Variants in CD163L1 observed in about 807,000 individuals in gnomAD.
CD163L1 encodes scavenger receptor cysteine-rich type 1 protein M160.
Under a neutral mutation model 165.4 loss-of-function variants are expected in CD163L1, and 124 were observed. The ratio of observed to expected loss-of-function variants is 0.75; its 90% confidence interval spans 0.65 to 0.87. The LOEUF (loss-of-function observed/expected upper bound fraction) is 0.87. Among genes scored for constraint, CD163L1 ranks in the 40% least tolerant of loss-of-function variants. The probability of loss-of-function intolerance (pLI) is 0.00; values close to 1 mark genes in which losing one functional copy is unlikely to be tolerated. For missense variants in CD163L1, 1,525 were observed against 1,799.9 expected, an observed-to-expected ratio of 0.85 and a Z score of 2.76; for synonymous variants, 585 against 662.2, an observed-to-expected ratio of 0.88 and a Z score of 1.79.
At chr12:7,359,372 GA>G (rs1555193285) in intron 18 of CD163L1, among the ~76,000 whole-genome samples, 1 of 151,812 alleles carries the variant, frequency 6.6e-6, no homozygotes, top group Non-Finnish European at 1.5e-5. Context: ...GAAGCCAGAG[GA>G]AAAAAATTGT....
rs1396972808 is a variant in CD163L1, at chr12:7,403,784, G to T, written c.1159C>A (p.His387Asn). Residue 387 changes from histidine to asparagine, a missense_variant, in exon 6 of 20, where the codon CAT becomes AAT. Coordinates refer to ENST00000313599, the MANE Select transcript of CD163L1 (RefSeq NM_174941.6). Reference protein sequence around the residue: ...NCSGRVEVRIHEQWWTICDQN... With the variant: ...NCSGRVEVRINEQWWTICDQN... ...TCACATATTGTCCACCACTGTTCAT[G>T]AATTCTCACCTCTACTCTCCCTGAA... is the stretch of plus-strand genomic sequence containing the variant. 5.0e-6 allele frequency: 8 copies of T among 1,613,592 alleles called. No individual in the cohort carries two copies. Among genetic ancestry groups the T allele is most frequent in the African/African-American group, 1.3e-5 (1 of 74,814 alleles).
downstream of CD163L1, among the ~76,000 whole-genome samples, chr12:7,350,635 G>A (rs1390457319): frequency 1.3e-5 from 2 of 152,074 alleles, no homozygotes; most frequent in Admixed American, 6.6e-5. Context: ...TACTTCCTGG[G>A]AGATAACAAT....
At chr12:7,326,892 A>T in the CD163L1 span, 35 of 1,396,856 alleles carry the variant, frequency 2.5e-5, no homozygotes, top group East Asian at 1.8e-4. Context: ...AATAAATAGT[A>T]AGCACCTGTG....
chr12:7,336,815 A>G, the CD163L1 span, among the ~76,000 whole-genome samples: 1 of 152,130 alleles, frequency 6.6e-6, no homozygotes, highest in Non-Finnish European at 1.5e-5. Flanking sequence ...ATTAGAAAAA[A>G]ACTACTTTAA....
the CD163L1 span, among the ~76,000 whole-genome samples, chr12:7,332,731 G>C: frequency 6.6e-6 from 1 of 152,192 alleles, no homozygotes; most frequent in Non-Finnish European, 1.5e-5. Context: ...ACAAGCAAGT[G>C]CTGAGAGATT....
chr12:7,383,884 T>C (rs187230823), intron 8 of CD163L1, among the ~76,000 whole-genome samples: 196 of 152,226 alleles, frequency 1.3e-3, no homozygotes, highest in African/African-American at 4.2e-3. Flanking sequence ...CAGATATCAA[T>C]GTAAGGACAC....
At chr12:7,323,931 C>G in the CD163L1 span, among the ~76,000 whole-genome samples, 2 of 152,062 alleles carry the variant, frequency 1.3e-5, no homozygotes, top group Non-Finnish European at 2.9e-5. Context: ...AATTTCAGCA[C>G]TTTAGGAGGC....
intron 14 of CD163L1, among the ~76,000 whole-genome samples, chr12:7,370,262 G>T (rs1048867089): frequency 6.6e-6 from 1 of 152,102 alleles, no homozygotes; most frequent in African/African-American, 2.4e-5. Context: ...CCTTTAAGCC[G>T]GTTCCTGAAA....
chr12:7,374,346 G>A lies in CD163L1; in HGVS notation c.3409+96C>T. 7.7e-7 allele frequency: 1 copy of A among 1,299,278 alleles called. No homozygotes were observed. The highest frequency in any genetic ancestry group is 1.1e-6 in the Non-Finnish European group (1 of 945,566). 80.5% of individuals were successfully genotyped at this position (1,299,278 alleles called of 1,614,324 possible). On this transcript the variant is annotated intron_variant, in intron 13 of 19. Transcript: ENST00000313599. This position sits in a 1 kb window ranked among gnomAD's most constrained non-coding sequence, Gnocchi z 5.4. Reference sequence around the variant, plus strand: ...AGTGGATTTTTTGTTTGTATTCCTAGGCCATACACTTTTCACTACACTTTA... The same window carrying A: ...AGTGGATTTTTTGTTTGTATTCCTAAGCCATACACTTTTCACTACACTTTA...
intron 5 of CD163L1, among the ~76,000 whole-genome samples, chr12:7,404,056 A>G (rs1238411785): frequency 6.6e-6 from 1 of 152,110 alleles, no homozygotes; most frequent in Non-Finnish European, 1.5e-5. Context: ...AATTTTAAAG[A>G]TTGTTTCATA....
rs1320640975 is a variant in CD163L1 at position 7,369,170 on chromosome 12, G to C, written c.4039+187C>G. Among the ~76,000 whole-genome samples, 5 of 152,068 alleles carry C rather than the reference G, an allele frequency of 3.3e-5. No homozygotes were observed. Among genetic ancestry groups the C allele is most frequent in the African/African-American group, 9.7e-5 (4 of 41,422 alleles). On this transcript the variant is annotated intron_variant, in intron 15 of 19. Coordinates refer to ENST00000313599, the MANE Select transcript of CD163L1 (RefSeq NM_174941.6). The surrounding 1 kb of genome is among the most constrained non-coding windows in gnomAD (Gnocchi z 4.9). ...CACCTTTCTTCCCTCAAAATTATGG[G>C]GGCTATTTTAGATAACAGTGGAACA...
downstream of CD163L1, among the ~76,000 whole-genome samples, chr12:7,345,366 G>A (rs1343896944): frequency 6.6e-6 from 1 of 152,082 alleles, no homozygotes; most frequent in African/African-American, 2.4e-5. Context: ...GATCCCTAGG[G>A]CATGAACAGA....
At chr12:7,334,975 C>G in the CD163L1 span, among the ~76,000 whole-genome samples, 1 of 152,132 alleles carries the variant, frequency 6.6e-6, no homozygotes, top group Admixed American at 6.5e-5. Flanking sequence ...CAAACCACTG[C>G]TCAATGAAAT....
intron 8 of CD163L1, among the ~76,000 whole-genome samples, chr12:7,392,284 A>G (rs1309805508): frequency 1.3e-5 from 2 of 152,148 alleles, no homozygotes; most frequent in Admixed American, 6.5e-5. Context: ...ACAAAACCAC[A>G]CAACTACATG....
In CD163L1 at chr12:7,369,866, C is replaced by T. The variant is rs1336227535; in HGVS notation, c.3731-201G>A. ...ACATGACTGTGGTTTGTCCTAGTCACACTCAAGGGGTGAAACATCTCCAGC... is the reference window on the plus strand; with the variant it reads ...ACATGACTGTGGTTTGTCCTAGTCATACTCAAGGGGTGAAACATCTCCAGC... On this transcript the variant is annotated intron_variant, in intron 14 of 19. Transcript: ENST00000313599. This position sits in a 1 kb window ranked among gnomAD's most constrained non-coding sequence, Gnocchi z 4.9. Among the ~76,000 whole-genome samples the T allele has an allele frequency of 6.6e-6, 1 of 152,152 alleles. No individual in the cohort carries two copies. Among genetic ancestry groups the T allele is most frequent in the Non-Finnish European group, 1.5e-5 (1 of 68,016 alleles).
Position 7,398,731 on chromosome 12 carries a change from T to C in CD163L1, c.1409-147A>G. The C allele has an allele frequency of 1.6e-6, 1 of 641,330 alleles. No homozygotes were observed. Among genetic ancestry groups the C allele is most frequent in the East Asian group, 3.2e-5 (1 of 31,742 alleles). 39.7% of individuals were successfully genotyped at this position (641,330 alleles called of 1,614,324 possible). A position where few individuals can be genotyped will look rare whatever the true frequency, so the allele number is the denominator to read the frequency against. ...TTTTGAATGAAAAGTTTGGTTTTCT[T>C]TCTTTTGACAATTTTTTATTCAATT... On this transcript the variant is annotated intron_variant, in intron 6 of 19. Transcript: ENST00000313599. The surrounding 1 kb of genome is among the most constrained non-coding windows in gnomAD (Gnocchi z 4.5).
intron 1 of CD163L1, among the ~76,000 whole-genome samples, chr12:7,442,810 G>C (rs1948847399): frequency 6.6e-6 from 1 of 152,116 alleles, no homozygotes; most frequent in Non-Finnish European, 1.5e-5. Context: ...TTGTAAGAAT[G>C]GTTAGAGCTA....
At chr12:7,320,636 T>C in the CD163L1 span, 1 of 1,087,818 alleles carries the variant, frequency 9.2e-7, no homozygotes, top group East Asian at 2.5e-5. Flanking sequence ...CACATATTAA[T>C]GGAAGAAAAT....
rs752862056 is a variant in CD163L1, at chr12:7,357,443, C to T, written c.4323G>A (p.Ser1441=). The change falls in exon 19 of 20, where the codon TCG becomes TCA. Residue 1441 remains serine (S), a synonymous_variant. Coordinates refer to ENST00000313599, the MANE Select transcript of CD163L1 (RefSeq NM_174941.6). The stretch of plus-strand genomic sequence containing the variant: ...CAGAGGCAGGAAGAACTCCCAACAG[C>T]GATGTGTCGCTAGCATCTTCACAAC... ...NHGCEDASDT[S]LLGVLPASEA... 8.1e-6 allele frequency: 13 copies of T among 1,612,472 alleles called. No homozygotes were observed. The highest frequency in any genetic ancestry group is 5.3e-5 in the African/African-American group (4 of 74,832).
Sources: allele counts gnomAD v4.1 joint callset (sites outside exome capture counted in the v4.1 genomes callset), GRCh38; gene constraint gnomAD v4.1.1; non-coding constraint Gnocchi (gnomAD v3.1); transcripts MANE v1.5; gene names NCBI Gene and HGNC (gene_info 2026-07-23, HGNC 2026-07-21).